Variants in LNX1 observed in about 807,000 individuals in gnomAD.
LNX1 encodes ligand of numb-protein X 1, also known as E3 ubiquitin-protein ligase LNX.
In LNX1, 54 loss-of-function variants were observed where a neutral mutation model predicts 68.4. The ratio of observed to expected loss-of-function variants is 0.79; its 90% CI spans 0.63 to 0.99. The LOEUF is 0.99. Ranked by LOEUF, LNX1 falls within the 50% of genes least tolerant of loss-of-function variation. The pLI is 0.00. For missense variants in LNX1, 906 were observed against 926.4 expected, an observed-to-expected ratio of 0.98 and a Z score of 0.29; for synonymous variants, 336 against 350.0, an observed-to-expected ratio of 0.96 and a Z score of 0.45.
intron 4 of LNX1, among the ~76,000 whole-genome samples, chr4:53,504,086 G>C (rs753239699): frequency 1.3e-5 from 2 of 152,192 alleles, no homozygotes; most frequent in Non-Finnish European, 2.9e-5. Flanking sequence ...AGTGAGCTGA[G>C]ATCATGCCAC....
At chr4:53,552,123 C>T (rs1445638590) in intron 2 of LNX1, among the ~76,000 whole-genome samples, 1 of 152,168 alleles carries the variant, frequency 6.6e-6, no homozygotes, top group Admixed American at 6.5e-5. Context: ...CTGGAAAGAG[C>T]GCATCATTTC....
chr4:53,601,458 T>G (rs1733011467), intron 2 of LNX1, among the ~76,000 whole-genome samples: 1 of 152,208 alleles, frequency 6.6e-6, no homozygotes, highest in African/African-American at 2.4e-5. Flanking sequence ...TGACTCTCAC[T>G]AAGTGTCTTG....
At chr4:53,516,444 G>C (rs1187363766) in intron 2 of LNX1, among the ~76,000 whole-genome samples, 1 of 152,152 alleles carries the variant, frequency 6.6e-6, no homozygotes, top group Non-Finnish European at 1.5e-5. Flanking sequence ...GACAGAGAGG[G>C]AGGTAAGAGC....
intron 2 of LNX1, among the ~76,000 whole-genome samples, chr4:53,544,759 G>C (rs554735725): frequency 6.6e-6 from 1 of 152,200 alleles, no homozygotes; most frequent in Non-Finnish European, 1.5e-5. Flanking sequence ...ATGCCCATGC[G>C]CCAGGCACTG....
At chr4:53,572,405 G>A (rs1429734073) in intron 2 of LNX1, among the ~76,000 whole-genome samples, 3 of 152,156 alleles carry the variant, frequency 2.0e-5, no homozygotes, top group African/African-American at 7.2e-5. Context: ...TGAATTCACT[G>A]ACATAATGAG....
chr4:53,592,479 T>C (rs574533207), upstream of LNX1, among the ~76,000 whole-genome samples: 1 of 152,256 alleles, frequency 6.6e-6, no homozygotes, highest in Non-Finnish European at 1.5e-5. Context: ...CATCATCCCA[T>C]TGAAACGCTG....
At position 53,498,688 on chromosome 4, in the gene LNX1, C is replaced by A. The variant is rs374448115; in HGVS notation, c.931G>T (p.Val311Leu). The A allele has an allele frequency of 9.3e-6, 15 of 1,613,992 alleles. No homozygotes were observed. The highest frequency in any genetic ancestry group is 8.9e-5 in the East Asian group (4 of 44,896). ...IIIQHIYRDG[V>L]IARDGRLLPG... ...AGTAGCCGGCCGTCTCTGGCGATCA[C>A]CCCATCACGATAAATGTGTTGGATA... The change falls in exon 5 of 11, where the codon GTG (valine) becomes TTG (leucine). Residue 311 changes from valine to leucine, a missense_variant. By Grantham distance (32) the Val-to-Leu change is conservative. Coordinates refer to ENST00000263925, the MANE Select transcript of LNX1 (RefSeq NM_001126328.3).
intron 2 of LNX1, among the ~76,000 whole-genome samples, chr4:53,530,772 C>G (rs1490646296): frequency 1.3e-5 from 2 of 152,154 alleles, no homozygotes; most frequent in African/African-American, 4.8e-5. Flanking sequence ...CCAGTTAAAA[C>G]TATAATTTTT....
At position 53,498,735 on chromosome 4, in the gene LNX1, T is replaced by C; in HGVS notation, c.884A>G (p.Glu295Gly). The change falls in exon 5 of 11, where the codon GAA becomes GGA. Residue 295 changes from glutamate to glycine, a missense_variant. By Grantham distance (98) the Glu-to-Gly change is moderately conservative. Transcript: ENST00000263925. Reference sequence around the variant, plus strand: ...GATAATGATATGGACCAGTGGGGTTTCGCTACCTCCCACCAGCCTAATAGA... The same window carrying C: ...GATAATGATATGGACCAGTGGGGTTCCGCTACCTCCCACCAGCCTAATAGA... ...SLSIRLVGGS[E>G]TPLVHIIIQH... 1 of 1,614,142 alleles carries C rather than the reference T, an allele frequency of 6.2e-7. No homozygotes were observed. The highest frequency in any genetic ancestry group is 1.1e-5 in the South Asian group (1 of 91,084).
upstream of LNX1, among the ~76,000 whole-genome samples, chr4:53,621,898 T>C (rs1733893363): frequency 6.6e-6 from 1 of 152,252 alleles, no homozygotes; most frequent in Non-Finnish European, 1.5e-5. Flanking sequence ...GCCTCATTAA[T>C]AAGTGAAGAA....
At position 53,460,291 on chromosome 4, in the gene LNX1, T is replaced by TATA. The variant is rs920636364; in HGVS notation, c.*613_*615dup. ...TTTCTTACTAAAAACAAAACAAGTT[T>TATA]ATAATTAATTCTCTGAGCGAGCATT... On this transcript the variant is annotated 3_prime_UTR_variant, in exon 11 of 11. Transcript: ENST00000263925. The TATA allele has an allele frequency of 8.9e-5, 17 of 190,314 alleles. No individual in the cohort carries two copies. The highest frequency in any genetic ancestry group is 6.8e-4 in the Admixed American group (11 of 16,296). The allele number at this position is 190,314 out of a possible 1,614,324, so 11.8% of individuals were successfully genotyped here.
At chr4:53,508,313 A>G in intron 2 of LNX1, 86 bp from the exon 3 acceptor site, 1 of 1,487,542 alleles carries the variant, frequency 6.7e-7, no homozygotes, top group Non-Finnish European at 9.1e-7. Flanking sequence ...CAATTGAAGA[A>G]TGTATAATAG....
intron 1 of LNX1, among the ~76,000 whole-genome samples, chr4:53,641,273 A>G (rs1734672511): frequency 1.3e-5 from 2 of 152,218 alleles, no homozygotes; most frequent in Non-Finnish European, 2.9e-5. Context: ...TATCCAGTGC[A>G]TTCTGATCTA....
At chr4:53,504,480 G>C (rs546084343) in intron 4 of LNX1, among the ~76,000 whole-genome samples, 57 of 152,306 alleles carry the variant, frequency 3.7e-4, no homozygotes, top group Non-Finnish European at 7.2e-4. Context: ...TTTCTATCCA[G>C]GTTACTCAAA....
At chr4:53,525,457 G>T (rs1051633181) in intron 2 of LNX1, among the ~76,000 whole-genome samples, 14 of 152,210 alleles carry the variant, frequency 9.2e-5, no homozygotes, top group African/African-American at 3.4e-4. Flanking sequence ...TGCAGAGTGG[G>T]TGACAGCATT....
intron 2 of LNX1, among the ~76,000 whole-genome samples, chr4:53,604,223 C>A (rs1419059235): frequency 6.6e-6 from 1 of 152,074 alleles, no homozygotes; most frequent in African/African-American, 2.4e-5. Context: ...CCCTGCTGCC[C>A]CACTAGAAAT....
intron 1 of LNX1, among the ~76,000 whole-genome samples, chr4:53,628,122 T>A (rs1012199597): frequency 6.6e-6 from 1 of 152,190 alleles, no homozygotes; most frequent in Admixed American, 6.5e-5. Context: ...GAATTTCTAC[T>A]GGGCAGAGTT....
intron 2 of LNX1, among the ~76,000 whole-genome samples, chr4:53,535,643 T>C (rs968542564): frequency 4.6e-5 from 7 of 152,238 alleles, no homozygotes; most frequent in African/African-American, 7.2e-5. Flanking sequence ...TTGATACAGA[T>C]GTGAATAAGA....
intron 2 of LNX1, among the ~76,000 whole-genome samples, chr4:53,571,004 G>GCGACAGAGCC (rs1291227901): frequency 4.6e-5 from 7 of 151,420 alleles, no homozygotes; most frequent in Non-Finnish European, 8.8e-5. Context: ...TCCAACCTGG[G>GCGACAGAGCC]CGACAGAGCC....
Sources: gnomAD v4.1 joint callset for allele counts (sites outside exome capture counted in the v4.1 genomes callset) on GRCh38, gnomAD v4.1.1 for gene constraint, MANE v1.5 for transcripts, NCBI Gene and HGNC (gene_info 2026-07-23, HGNC 2026-07-21) for gene names.